The following WDR27 variants were observed in gnomAD, a reference collection of about 807,000 sequenced individuals.
The protein encoded by WDR27 is WD repeat-containing protein 27.
WDR27 carries 100 observed loss-of-function variants against 114.4 expected under a neutral mutation model. That is an observed-to-expected ratio of 0.87 (90% CI 0.74 to 1.03). The LOEUF is 1.03. WDR27 is among the 50% of genes least tolerant of loss of function. The pLI, the probability that WDR27 is intolerant of heterozygous loss-of-function variation, is 0.00. For missense variants in WDR27, 1,129 were observed against 1,092.9 expected (o/e 1.03, Z -0.47); for synonymous variants, 449 against 423.1 (o/e 1.06, Z -0.75).
At chr6:169,682,103 C>T (rs1781679384) in intron 2 of WDR27, among the ~76,000 whole-genome samples, 1 of 152,196 alleles carries the variant, frequency 6.6e-6, no homozygotes, top group Admixed American at 6.5e-5. Flanking sequence ...CCAGACGGGC[C>T]CAATCTCAGC....
chr6:169,468,453 G>A (rs1222625821), intron 25 of WDR27, among the ~76,000 whole-genome samples: 1 of 152,184 alleles, frequency 6.6e-6, no homozygotes, highest in Non-Finnish European at 1.5e-5. Flanking sequence ...GAGGAGAATT[G>A]CTGAGAAAAA....
chr6:169,475,969 A>G (rs1787093116), intron 25 of WDR27, among the ~76,000 whole-genome samples: 1 of 152,164 alleles, frequency 6.6e-6, no homozygotes, highest in African/African-American at 2.4e-5. Flanking sequence ...ATTAATGGAG[A>G]ATTGACATTT....
At chr6:169,505,222 A>C (rs1285262425) in intron 25 of WDR27, among the ~76,000 whole-genome samples, 2 of 152,182 alleles carry the variant, frequency 1.3e-5, no homozygotes, top group South Asian at 2.1e-4. Context: ...GAACTTAGTA[A>C]GCTCCAATCA....
intron 25 of WDR27, among the ~76,000 whole-genome samples, chr6:169,476,512 A>C (rs77447212): frequency 1.3e-5 from 2 of 152,336 alleles, no homozygotes; most frequent in African/African-American, 4.8e-5. Context: ...GGGCCTTTGC[A>C]GCCTTCATAC....
chr6:169,701,949 C>T lies in WDR27; in HGVS notation c.-406G>A. ...AGCACCCAGCTCCCAGGAGGGCACG[C>T]AGAGGACTACCGAGCCACACTCCGC... is the stretch of plus-strand genomic sequence containing the variant. On this transcript the variant is annotated 5_prime_UTR_variant, in exon 1 of 26. Transcript: ENST00000448612. The T allele has an allele frequency of 2.7e-6, 1 of 368,446 alleles. No homozygotes were observed. Among genetic ancestry groups the T allele is most frequent in the Non-Finnish European group, 5.4e-6 (1 of 185,264 alleles). 22.8% of individuals were successfully genotyped at this position (368,446 alleles called of 1,614,324 possible).
intron 21 of WDR27, among the ~76,000 whole-genome samples, chr6:169,621,441 T>G (rs1045567548): frequency 1.3e-5 from 2 of 150,310 alleles, no homozygotes; most frequent in African/African-American, 4.9e-5. Flanking sequence ...CACATATACA[T>G]ATGCACACAT....
the WDR27 span, among the ~76,000 whole-genome samples, chr6:169,451,715 T>A: frequency 6.6e-6 from 1 of 152,260 alleles, no homozygotes. Flanking sequence ...AAGTTATTGA[T>A]ATTGTTCTAG....
chr6:169,653,142 C>G (rs1306151802), intron 13 of WDR27, among the ~76,000 whole-genome samples: 1 of 152,220 alleles, frequency 6.6e-6, no homozygotes, highest in Non-Finnish European at 1.5e-5. Context: ...CAGCATGGAG[C>G]CCACTCTCAC....
At chr6:169,621,279 C>T (rs1562719073) in intron 21 of WDR27, among the ~76,000 whole-genome samples, 2 of 152,030 alleles carry the variant, frequency 1.3e-5, no homozygotes, top group Admixed American at 1.3e-4. Context: ...TACACACACA[C>T]ACACACATGC....
chr6:169,484,213 T>C (rs979934038), intron 25 of WDR27, among the ~76,000 whole-genome samples: 11 of 152,160 alleles, frequency 7.2e-5, no homozygotes, highest in African/African-American at 2.7e-4. Context: ...GCCATCTAAA[T>C]AGGAAGACAG....
intron 20 of WDR27, 37 bp from the exon 21 acceptor site, chr6:169,633,105 C>G (rs757566347): frequency 6.4e-7 from 1 of 1,559,738 alleles, no homozygotes; most frequent in South Asian, 1.2e-5. Flanking sequence ...TCTCAACACT[C>G]TTACCCATGG....
intron 22 of WDR27, among the ~76,000 whole-genome samples, chr6:169,606,243 CA>C (rs1246093691): frequency 6.6e-6 from 1 of 151,682 alleles, no homozygotes; most frequent in Non-Finnish European, 1.5e-5. Context: ...ACAAGGAACT[CA>C]AACGACTCAA....
chr6:169,651,085 T>G (rs766978026), intron 14 of WDR27, among the ~76,000 whole-genome samples: 1 of 140,374 alleles, frequency 7.1e-6, no homozygotes. Flanking sequence ...GGGGTGGGAG[T>G]TGGGGAGTGG....
At chr6:169,530,524 A>G (rs749737403) in intron 25 of WDR27, among the ~76,000 whole-genome samples, 10 of 152,300 alleles carry the variant, frequency 6.6e-5, no homozygotes, top group Middle Eastern at 6.8e-3. Flanking sequence ...ATGACTGTGT[A>G]CATTTTAGGA....
At chr6:169,671,137 G>C (rs1778636510) in intron 3 of WDR27, 1 of 156,522 alleles carries the variant, frequency 6.4e-6, no homozygotes, top group Non-Finnish European at 1.4e-5. Context: ...CAAGCAGCCA[G>C]GAGGTTCCCA....
intron 23 of WDR27, among the ~76,000 whole-genome samples, chr6:169,594,326 C>T (rs1370506114): frequency 6.6e-6 from 1 of 152,104 alleles, no homozygotes; most frequent in African/African-American, 2.4e-5. Context: ...TTGAGCTTTT[C>T]TCTGGATTCA....
chr6:169,478,470 G>A (rs941364318), intron 25 of WDR27, among the ~76,000 whole-genome samples: 5 of 152,082 alleles, frequency 3.3e-5, no homozygotes, highest in Non-Finnish European at 5.9e-5. Context: ...AGGTTAAGTC[G>A]GGTGTACATG....
intron 25 of WDR27, among the ~76,000 whole-genome samples, chr6:169,519,417 C>A (rs1321879280): frequency 6.6e-6 from 1 of 152,162 alleles, no homozygotes; most frequent in Non-Finnish European, 1.5e-5. Flanking sequence ...ATGGCACTAT[C>A]ATTTTCTTGG....
intron 9 of WDR27, among the ~76,000 whole-genome samples, chr6:169,661,821 T>C (rs146535186): frequency 1.4e-4 from 22 of 152,356 alleles, no homozygotes; most frequent in Non-Finnish European, 2.5e-4. Context: ...CTCAAGCATT[T>C]TGGGGAGGAG....
Sources: gnomAD v4.1 joint callset for allele counts (sites outside exome capture counted in the v4.1 genomes callset) on GRCh38, gnomAD v4.1.1 for gene constraint, MANE v1.5 for transcripts, NCBI Gene and HGNC (gene_info 2026-07-23, HGNC 2026-07-21) for gene names.